The following LPAR1 variants were observed in gnomAD, a reference collection of about 807,000 sequenced individuals.
LPAR1 encodes LPA receptor 1.
LPAR1 carries 5 observed loss-of-function variants against 23.8 expected under a neutral mutation model. That is an observed-to-expected ratio of 0.21 (90% CI 0.11 to 0.44). The LOEUF (loss-of-function observed/expected upper bound fraction) is 0.44, where lower values mean the gene tolerates loss of function less well. Ranked by LOEUF, LPAR1 falls within the 20% of genes least tolerant of loss-of-function variation. LPAR1 has a pLI of 0.99. For synonymous variants in LPAR1, 160 were observed against 164.7 expected (o/e 0.97, Z 0.22); for missense variants, 311 against 482.8 (o/e 0.64, Z 3.33).
At chr9:110,922,967 C>T (rs2093743176) in intron 5 of LPAR1, among the ~76,000 whole-genome samples, 1 of 151,816 alleles carries the variant, frequency 6.6e-6, no homozygotes, top group Non-Finnish European at 1.5e-5. Context: ...TTGGGTATTT[C>T]TCCTAACGCT....
At chr9:110,890,031 A>G (rs1282417322) in intron 5 of LPAR1, among the ~76,000 whole-genome samples, 1 of 152,212 alleles carries the variant, frequency 6.6e-6, no homozygotes, top group Non-Finnish European at 1.5e-5. Context: ...TAAGACAACA[A>G]ATCTGGTATT....
intron 5 of LPAR1, among the ~76,000 whole-genome samples, chr9:110,908,263 C>G (rs1232625998): frequency 6.7e-6 from 1 of 149,830 alleles, no homozygotes; most frequent in East Asian, 1.9e-4. Flanking sequence ...AATATTAAGA[C>G]ATTTGTTTAA....
At chr9:110,956,444 A>C (rs1427783588) in intron 4 of LPAR1, among the ~76,000 whole-genome samples, 1 of 152,092 alleles carries the variant, frequency 6.6e-6, no homozygotes, top group Non-Finnish European at 1.5e-5. Context: ...TTAAAAAATA[A>C]AGAAAGAAAG....
At chr9:111,000,051 G>A (rs917894107) in intron 2 of LPAR1, among the ~76,000 whole-genome samples, 17 of 152,256 alleles carry the variant, frequency 1.1e-4, no homozygotes, top group Admixed American at 7.8e-4. Context: ...TCATTCATGA[G>A]GGCGGAGCCC....
chr9:111,034,681 A>G (rs1192569255), intron 2 of LPAR1, among the ~76,000 whole-genome samples: 1 of 152,210 alleles, frequency 6.6e-6, no homozygotes, highest in Non-Finnish European at 1.5e-5. Flanking sequence ...GTAATGGAAT[A>G]AAAGCCCAGT....
rs540247051 is a variant in LPAR1, at chr9:111,009,678, T to C, written c.-182+26444A>G. ...GTAAAAAAAGTTATTTAAAAATTAATAGAAAATAATACTGGGCATATATAT... is the reference window on the plus strand; with the variant it reads ...GTAAAAAAAGTTATTTAAAAATTAACAGAAAATAATACTGGGCATATATAT... On this transcript the variant is annotated intron_variant, in intron 2 of 5. Transcript: ENST00000683809. 2.0e-5 allele frequency among the ~76,000 whole-genome samples: 3 copies of C among 151,970 alleles called. No individual in the cohort carries two copies. The East Asian group carries it at 5.8e-4, about 29-fold the overall frequency.
chr9:110,891,580 C>T (rs2084191821), intron 5 of LPAR1, among the ~76,000 whole-genome samples: 1 of 152,084 alleles, frequency 6.6e-6, no homozygotes, highest in Non-Finnish European at 1.5e-5. Flanking sequence ...CAAAATCTAA[C>T]ACATATTTTA....
chr9:110,882,191 T>C (rs73655650), intron 5 of LPAR1, among the ~76,000 whole-genome samples: 2 of 152,322 alleles, frequency 1.3e-5, no homozygotes, highest in Admixed American at 6.5e-5. Context: ...CCCAAAATTA[T>C]TGTATTTATT....
chr9:110,961,177 T>C (rs1442640999), intron 4 of LPAR1, among the ~76,000 whole-genome samples: 1 of 150,854 alleles, frequency 6.6e-6, no homozygotes. Context: ...CTTAATATTT[T>C]AGATACTGAG....
chr9:110,876,347 T>A (rs780939145), intron 5 of LPAR1, among the ~76,000 whole-genome samples: 5 of 152,258 alleles, frequency 3.3e-5, no homozygotes, highest in Non-Finnish European at 5.9e-5. Flanking sequence ...TATTACCTGC[T>A]GAGTAGCATG....
chr9:111,000,752 T>C (rs969492846), intron 2 of LPAR1, among the ~76,000 whole-genome samples: 1 of 152,170 alleles, frequency 6.6e-6, no homozygotes, highest in African/African-American at 2.4e-5. Context: ...TTTTCCATTA[T>C]CACAAAAATC....
chr9:110,912,125 G>A (rs7854790), intron 5 of LPAR1, among the ~76,000 whole-genome samples: 69,808 of 152,062 alleles, frequency 0.46, 17,819 homozygotes, highest in African/African-American at 0.7. Context: ...TGCAGAAACA[G>A]TGTGACTACA....
At chr9:110,997,610 AAC>A (rs2097041855) in intron 2 of LPAR1, among the ~76,000 whole-genome samples, 1 of 152,226 alleles carries the variant, frequency 6.6e-6, no homozygotes, top group African/African-American at 2.4e-5. Flanking sequence ...CCAGACTTTT[AAC>A]AGAGTTTTTT....
intron 2 of LPAR1, among the ~76,000 whole-genome samples, chr9:111,006,947 G>A (rs1041265551): frequency 6.6e-6 from 1 of 152,042 alleles, no homozygotes; most frequent in African/African-American, 2.4e-5. Flanking sequence ...GATCCCTCAT[G>A]AATGGTTCTG....
At chr9:110,878,776 C>G (rs1042244811) in intron 5 of LPAR1, among the ~76,000 whole-genome samples, 1 of 152,038 alleles carries the variant, frequency 6.6e-6, no homozygotes, top group Non-Finnish European at 1.5e-5. Context: ...GTTGCAGAGC[C>G]CTAGGATAGA....
Position 110,875,361 on chromosome 9 carries a change from T to TA in LPAR1, c.*59dup, listed in dbSNP as rs1374266466. 3 of 1,443,788 alleles carry TA rather than the reference T, an allele frequency of 2.1e-6. No individual in the cohort carries two copies. The highest frequency in any genetic ancestry group is 2.8e-6 in the Non-Finnish European group (3 of 1,071,860). 89.4% of individuals were successfully genotyped at this position (1,443,788 alleles called of 1,614,324 possible). A position where few individuals can be genotyped will look rare whatever the true frequency, so the allele number is the denominator to read the frequency against. On this transcript the variant is annotated 3_prime_UTR_variant, in exon 6 of 6. Transcript: ENST00000683809. ...ACCCCACCTTGCCCTGGCAATTGGGTAGGGGGAGGCTGTTTATCCTCCAAG... is the reference window on the plus strand; with the variant it reads ...ACCCCACCTTGCCCTGGCAATTGGGTAAGGGGGAGGCTGTTTATCCTCCAAG...
At chr9:110,900,119 T>G (rs899859633) in intron 5 of LPAR1, among the ~76,000 whole-genome samples, 2 of 152,230 alleles carry the variant, frequency 1.3e-5, no homozygotes, top group Admixed American at 1.3e-4. Context: ...TAATCCAAAT[T>G]TATTATCTTA....
At chr9:110,960,646 A>G (rs1021323988) in intron 4 of LPAR1, among the ~76,000 whole-genome samples, 3 of 152,202 alleles carry the variant, frequency 2.0e-5, no homozygotes, top group Non-Finnish European at 4.4e-5. Context: ...ATTTTTTTTA[A>G]AAAAGGAAAG....
chr9:110,983,633 G>T (rs2096719885), intron 2 of LPAR1, among the ~76,000 whole-genome samples: 1 of 151,832 alleles, frequency 6.6e-6, no homozygotes, highest in African/African-American at 2.4e-5. Context: ...GGTTAAGAGG[G>T]TAAATTTTAT....
Sources: gnomAD v4.1 joint callset for allele counts (sites outside exome capture counted in the v4.1 genomes callset) on GRCh38, gnomAD v4.1.1 for gene constraint, MANE v1.5 for transcripts, NCBI Gene and HGNC (gene_info 2026-07-23, HGNC 2026-07-21) for gene names.